The following SRP68 variants were observed in gnomAD, a reference collection of about 807,000 sequenced individuals.
SRP68 encodes signal recognition particle 68.
Under a neutral mutation model 82.2 loss-of-function variants are expected in SRP68, and 15 were observed. That is an observed-to-expected ratio of 0.18 (90% CI 0.12 to 0.28). The LOEUF is 0.28. Ranked by LOEUF, SRP68 falls within the 10% of genes least tolerant of loss-of-function variation. The pLI, the probability that SRP68 is intolerant of heterozygous loss-of-function variation, is 1.00. For missense variants in SRP68, 595 were observed against 780.5 expected (o/e 0.76, Z 2.83); for synonymous variants, 261 against 292.6 (o/e 0.89, Z 1.10).
chr17:76,065,792 A>T (rs2066801861), intron 3 of SRP68, among the ~76,000 whole-genome samples: 1 of 152,122 alleles, frequency 6.6e-6, no homozygotes, highest in African/African-American at 2.4e-5. Context: ...AATGCTGAAC[A>T]GTAAATGATA....
Position 76,064,186 on chromosome 17 carries a change from G to T in SRP68, c.366-15C>A. 6.2e-7 allele frequency: 1 copy of T among 1,611,038 alleles called. No homozygotes were observed. The highest frequency in any genetic ancestry group is 1.1e-5 in the South Asian group (1 of 90,812). On this transcript the variant is annotated splice_polypyrimidine_tract_variant and intron_variant, in intron 3 of 15. Coordinates refer to ENST00000307877, the MANE Select transcript of SRP68 (RefSeq NM_014230.4). ...GAAGCAAGTATCTAGACCAGAGACA[G>T]AAGTGGGGAGACAATAAAGGCCATC...
intron 4 of SRP68, among the ~76,000 whole-genome samples, chr17:76,063,344 G>T (rs1274362253): frequency 1.3e-5 from 2 of 152,034 alleles, no homozygotes; most frequent in Non-Finnish European, 2.9e-5. Flanking sequence ...CCAGGTACAA[G>T]ATTGTAAGCT....
intron 15 of SRP68, 46 bp from the exon 16 acceptor site, chr17:76,039,979 A>C (rs1052927072): frequency 6.3e-7 from 1 of 1,581,604 alleles, no homozygotes; most frequent in Admixed American, 1.8e-5. Context: ...GTCACAGAAC[A>C]CCCTTGGTGA....
intron 14 of SRP68, 90 bp from the exon 15 acceptor site, chr17:76,040,564 T>C (rs1344186712): frequency 7.6e-7 from 1 of 1,321,788 alleles, no homozygotes; most frequent in African/African-American, 1.4e-5. Flanking sequence ...GGCCCCTACA[T>C]CCCAAAAGCA....
intron 9 of SRP68, 182 bp from the exon 10 acceptor site, chr17:76,048,152 T>C (rs2066645360): frequency 3.1e-6 from 1 of 321,382 alleles, no homozygotes; most frequent in African/African-American, 2.2e-5. Flanking sequence ...GGCACTCAAG[T>C]TGCCACTGGC....
intron 8 of SRP68, chr17:76,053,749 C>T: frequency 2.9e-6 from 2 of 679,992 alleles, no homozygotes; most frequent in Admixed American, 6.3e-5. Context: ...GAGAAGCTCT[C>T]ATGATTCTCC....
intron 8 of SRP68, chr17:76,053,519 C>T (rs1443957399): frequency 7.1e-6 from 7 of 984,978 alleles, no homozygotes; most frequent in African/African-American, 7.0e-5. Flanking sequence ...TTGACTGCCA[C>T]GTATCACCTC....
intron 8 of SRP68, chr17:76,053,528 T>A (rs1442343556): frequency 1.0e-6 from 1 of 985,292 alleles, no homozygotes; most frequent in Non-Finnish European, 1.2e-6. Context: ...ACGTATCACC[T>A]CTGCTCCCTT....
chr17:76,060,227 C>T, intron 7 of SRP68, 81 bp downstream of exon 7: 2 of 601,174 alleles, frequency 3.3e-6, no homozygotes, highest in Non-Finnish European at 5.4e-6. Context: ...ATATTAATAT[C>T]AAATATCCCT....
chr17:76,051,889 T>C (rs1452032047), intron 8 of SRP68, among the ~76,000 whole-genome samples: 1 of 152,194 alleles, frequency 6.6e-6, no homozygotes, highest in Non-Finnish European at 1.5e-5. Context: ...TCGGAAGTTT[T>C]ATTAATTTAT....
intron 9 of SRP68, 86 bp from the exon 10 acceptor site, chr17:76,048,056 G>A: frequency 1.3e-6 from 1 of 797,278 alleles, no homozygotes; most frequent in South Asian, 2.5e-5. Flanking sequence ...GGTCTCCAAA[G>A]TGCCCTGAAC....
rs772868823 is a variant in SRP68, at chr17:76,067,245, C to T, written c.337G>A (p.Val113Met). 5 of 1,613,728 alleles carry T rather than the reference C, an allele frequency of 3.1e-6. No individual in the cohort carries two copies. Among genetic ancestry groups the T allele is most frequent in the Non-Finnish European group, 4.2e-6 (5 of 1,179,822 alleles). The change falls in exon 3 of 16, where the codon GTG becomes ATG. Residue 113 changes from valine (V) to methionine (M), a missense_variant. By Grantham distance (21) the Val-to-Met change is conservative (BLOSUM62 1). Transcript: ENST00000307877. ...TTATCGGTCAGAAGCTCTTCAGTCACTTTCTTCCCTGTGAATTTGTGTCTG... is the reference window on the plus strand; with the variant it reads ...TTATCGGTCAGAAGCTCTTCAGTCATTTTCTTCCCTGTGAATTTGTGTCTG... ...GNRHKFTGKK[V>M]TEELLTDNRY...
chr17:76,041,292 A>C, intron 13 of SRP68: 1 of 190,532 alleles, frequency 5.2e-6, no homozygotes, highest in East Asian at 1.4e-4. Context: ...CTTCTCAATA[A>C]TCCTGAGGCA....
Position 76,067,221 on chromosome 17 carries a change from T to C in SRP68, c.361A>G (p.Asn121Asp), listed in dbSNP as rs939803958. 4 of 1,611,410 alleles carry C rather than the reference T, an allele frequency of 2.5e-6. No individual in the cohort carries two copies. Among genetic ancestry groups the C allele is most frequent in the Non-Finnish European group, 3.4e-6 (4 of 1,177,790 alleles). ...KKVTEELLTDNRYLLLVLMDA... is the reference protein window; with the variant it reads ...KKVTEELLTDDRYLLLVLMDA... The stretch of plus-strand genomic sequence containing the variant: ...CTAGCATGGAGCAGTCAATACCTAT[T>C]ATCGGTCAGAAGCTCTTCAGTCACT... Residue 121 changes from asparagine (N) to aspartate (D), a missense_variant, in exon 3 of 16, where the codon AAT becomes GAT. By Grantham distance (23) the Asn-to-Asp change is conservative. This residue lies in a region of SRP68 where 495 missense variants were observed against 688.6 expected (regional missense o/e 0.72). Transcript: ENST00000307877.
intron 14 of SRP68, 143 bp from the exon 15 acceptor site, chr17:76,040,617 A>C: frequency 1.2e-6 from 1 of 821,910 alleles, no homozygotes; most frequent in Non-Finnish European, 2.0e-6. Flanking sequence ...TCTCCTGCTG[A>C]GAAGTGGTGG....
rs781247230 is a variant in SRP68 at position 76,039,160 on chromosome 17, A to G, written c.*546T>C. 8.9e-6 allele frequency: 3 copies of G among 338,852 alleles called. No homozygotes were observed. Among genetic ancestry groups the G allele is most frequent in the Middle Eastern group, 4.0e-4 (1 of 2,528 alleles). 21.0% of individuals were successfully genotyped at this position (338,852 alleles called of 1,614,324 possible). On this transcript the variant is annotated 3_prime_UTR_variant, in exon 16 of 16. Transcript: ENST00000307877. ...TGGTTTCATCATTTCTGAGTGTAAC[A>G]TATTTCTTCTAAAAATAGAGCTCTC...
At chr17:76,053,311 T>A in intron 8 of SRP68, 1 of 215,142 alleles carries the variant, frequency 4.6e-6, no homozygotes, top group Non-Finnish European at 7.9e-6. Flanking sequence ...CACAGCCACA[T>A]TCTCAGCAGA....
At chr17:76,042,512 C>T (rs1412523727) in intron 13 of SRP68, among the ~76,000 whole-genome samples, 1 of 147,652 alleles carries the variant, frequency 6.8e-6, no homozygotes, top group Non-Finnish European at 1.5e-5. Flanking sequence ...TGCACTCTAG[C>T]CTAGGAGACA....
chr17:76,065,774 G>C (rs2066801730), intron 3 of SRP68, among the ~76,000 whole-genome samples: 1 of 152,048 alleles, frequency 6.6e-6, no homozygotes, highest in Non-Finnish European at 1.5e-5. Context: ...TCCTTTCCAA[G>C]GCTTTAGAAT....
Sources: allele counts gnomAD v4.1 joint callset (sites outside exome capture counted in the v4.1 genomes callset), GRCh38; gene constraint gnomAD v4.1.1; regional missense constraint gnomAD v4.1.1; transcripts MANE v1.5; gene names NCBI Gene and HGNC (gene_info 2026-07-23, HGNC 2026-07-21).